Variants in DHRS7B observed in about 807,000 individuals in gnomAD.
DHRS7B encodes peroxisomal reductase activating PPAR-gamma.
A neutral mutation model predicts 26.4 loss-of-function variants in DHRS7B; 24 were observed. The observed-to-expected ratio is 0.91, with a 90% confidence interval of 0.66 to 1.28. The LOEUF is 1.28. DHRS7B is among the 50% of genes most tolerant of loss of function. The pLI is 0.00. For missense variants in DHRS7B, 368 were observed against 419.4 expected, an observed-to-expected ratio of 0.88 and a Z score of 1.07; for synonymous variants, 142 against 166.4, an observed-to-expected ratio of 0.85 and a Z score of 1.13.
intron 1 of DHRS7B, among the ~76,000 whole-genome samples, chr17:21,159,050 A>G (rs532377658): frequency 6.6e-6 from 1 of 152,128 alleles, no homozygotes; most frequent in African/African-American, 2.4e-5. Context: ...ATGCAAAACC[A>G]TGAAACTGCT....
At chr17:21,184,328 C>T in intron 4 of DHRS7B, 43 bp from the exon 5 acceptor site, 2 of 1,549,806 alleles carry the variant, frequency 1.3e-6, no homozygotes, top group Non-Finnish European at 1.8e-6. Flanking sequence ...GGTGCAATGA[C>T]TGGAAGTAGG....
At chr17:21,177,233 G>A (rs1450627358) in intron 2 of DHRS7B, among the ~76,000 whole-genome samples, 1 of 152,188 alleles carries the variant, frequency 6.6e-6, no homozygotes, top group Non-Finnish European at 1.5e-5. Flanking sequence ...CTGCCCGCGT[G>A]TGAGAGCACC....
At position 21,191,170 on chromosome 17, in the gene DHRS7B, G is replaced by A. The variant is rs770964893; in HGVS notation, c.*17G>A. 1.7e-5 allele frequency: 28 copies of A among 1,611,822 alleles called. No individual in the cohort carries two copies. In the South Asian group the frequency reaches 3.1e-4, roughly 18 times the overall value. ...AACTCCTAGTACTCTGACCAGCCAG[G>A]GCCAGGGCAGAGAAGCAGCACTCTT... On this transcript the variant is annotated 3_prime_UTR_variant, in exon 7 of 7. Coordinates refer to ENST00000395511, the MANE Select transcript of DHRS7B (RefSeq NM_015510.5).
intron 1 of DHRS7B, among the ~76,000 whole-genome samples, chr17:21,137,834 G>A (rs138214964): frequency 0.01 from 1,565 of 150,970 alleles, 27 homozygotes; most frequent in African/African-American, 0.035. Flanking sequence ...TCCCAACCTC[G>A]TGATCTGCTT....
At chr17:21,138,860 A>G (rs1973426874) in intron 1 of DHRS7B, among the ~76,000 whole-genome samples, 1 of 152,100 alleles carries the variant, frequency 6.6e-6, no homozygotes, top group Non-Finnish European at 1.5e-5. Context: ...ATTTAATATA[A>G]CTTTATATTC....
chr17:21,179,402 C>A (rs2144180507), intron 3 of DHRS7B, among the ~76,000 whole-genome samples: 1 of 152,184 alleles, frequency 6.6e-6, no homozygotes, highest in South Asian at 2.1e-4. Context: ...GAGTTTGAGA[C>A]CAGCCTGGCC....
intron 1 of DHRS7B, among the ~76,000 whole-genome samples, chr17:21,141,171 G>A (rs1025337621): frequency 1.3e-5 from 2 of 152,018 alleles, no homozygotes; most frequent in Non-Finnish European, 1.5e-5. Context: ...TGTCATTGTC[G>A]GGGGCGGAAC....
Position 21,183,576 on chromosome 17 carries a change from T to G in DHRS7B, c.310-18T>G. The G allele has an allele frequency of 6.2e-7, 1 of 1,611,160 alleles. No individual in the cohort carries two copies. Among genetic ancestry groups the G allele is most frequent in the Non-Finnish European group, 8.5e-7 (1 of 1,179,294 alleles). ...CTGCCACTCAGAAAGTGAATTTGTA[T>G]CTGTTGTATTTGACCAGGTGCAGAC... On this transcript the variant is annotated intron_variant, in intron 3 of 6. Transcript: ENST00000395511.
chr17:21,145,210 G>A (rs918637254), intron 1 of DHRS7B, among the ~76,000 whole-genome samples: 2 of 152,058 alleles, frequency 1.3e-5, no homozygotes, highest in Non-Finnish European at 2.9e-5. Context: ...TGTAGTCCCA[G>A]CTACTCAGGT....
chr17:21,154,991 G>A (rs576415235), intron 1 of DHRS7B, among the ~76,000 whole-genome samples: 2 of 152,224 alleles, frequency 1.3e-5, no homozygotes, highest in South Asian at 4.1e-4. Flanking sequence ...TAGTTGATAA[G>A]CTATGAAGGG....
rs559934653 is a variant in DHRS7B at position 21,159,579 on chromosome 17, A to G, written c.21-12439A>G. ...CAATATTTTCGAAAGACACATTTTAAAGGACTGTTATCAGTTGGAATGGTG... is the reference window on the plus strand; with the variant it reads ...CAATATTTTCGAAAGACACATTTTAGAGGACTGTTATCAGTTGGAATGGTG... On this transcript the variant is annotated intron_variant, in intron 1 of 6. Transcript: ENST00000395511. Among the ~76,000 whole-genome samples the G allele has an allele frequency of 3.1e-4, 47 of 152,068 alleles. No homozygotes were observed. The South Asian group carries it at 9.1e-3, about 30-fold the overall frequency.
intron 1 of DHRS7B, among the ~76,000 whole-genome samples, chr17:21,165,871 G>A (rs1243040178): frequency 5.4e-5 from 8 of 148,898 alleles, no homozygotes; most frequent in Middle Eastern, 3.4e-3. Flanking sequence ...AGCAAAGATC[G>A]CGGCACTGCT....
intron 1 of DHRS7B, chr17:21,168,774 G>T (rs1422774166): frequency 2.0e-6 from 2 of 985,374 alleles, no homozygotes; most frequent in African/African-American, 3.5e-5. Context: ...GCCAAGGATG[G>T]ATCCCATTCA....
In DHRS7B at chr17:21,178,260, G is replaced by T. The variant is rs781185994; in HGVS notation, c.227G>T (p.Gly76Val). The change falls in exon 3 of 7, where the codon GGT (glycine) becomes GTT (valine). Residue 76 changes from glycine to valine, a missense_variant. Gly to Val is a moderately radical substitution (Grantham distance 109). Coordinates refer to ENST00000395511, the MANE Select transcript of DHRS7B (RefSeq NM_015510.5). ...TGTGCAAAAGTCTTCTATGCTGCGG[G>T]TGCTAAACTGGTGCTCTGTGGCCGG... ...KECAKVFYAAGAKLVLCGRNG... is the reference protein window; with the variant it reads ...KECAKVFYAAVAKLVLCGRNG... 1.2e-6 allele frequency: 2 copies of T among 1,614,226 alleles called. No homozygotes were observed. The highest frequency in any genetic ancestry group is 2.2e-5 in the South Asian group (2 of 91,088).
At chr17:21,140,655 A>G (rs942823181) in intron 1 of DHRS7B, among the ~76,000 whole-genome samples, 1 of 152,160 alleles carries the variant, frequency 6.6e-6, no homozygotes, top group Non-Finnish European at 1.5e-5. Context: ...TAATAGAAAA[A>G]TAACAGCAGA....
intron 2 of DHRS7B, among the ~76,000 whole-genome samples, chr17:21,176,098 C>CT (rs1257945187): frequency 6.6e-6 from 1 of 152,046 alleles, no homozygotes; most frequent in Non-Finnish European, 1.5e-5. Flanking sequence ...TCAAGGGATC[C>CT]TCCCACCTTA....
At chr17:21,160,913 A>G (rs1973986088) in intron 1 of DHRS7B, among the ~76,000 whole-genome samples, 1 of 152,248 alleles carries the variant, frequency 6.6e-6, no homozygotes, top group Admixed American at 6.5e-5. Flanking sequence ...ATGAAAAGAC[A>G]TGGAGGAAAC....
At chr17:21,140,584 T>TAAATAG in intron 1 of DHRS7B, among the ~76,000 whole-genome samples, 1 of 148,840 alleles carries the variant, frequency 6.7e-6, no homozygotes, top group South Asian at 2.1e-4. Flanking sequence ...TGCCACTAGA[T>TAAATAG]AAATAGAAAT....
intron 1 of DHRS7B, among the ~76,000 whole-genome samples, chr17:21,151,513 A>G (rs1597738933): frequency 1.2e-4 from 1 of 8,412 alleles, no homozygotes; most frequent in African/African-American, 2.7e-4. Context: ...ACTCTGTCTC[A>G]AAAAAAAAAA....
Sources: allele counts gnomAD v4.1 joint callset (sites outside exome capture counted in the v4.1 genomes callset), GRCh38; gene constraint gnomAD v4.1.1; transcripts MANE v1.5; gene names NCBI Gene and HGNC (gene_info 2026-07-23, HGNC 2026-07-21).